KSR1: variants seen among roughly 807,000 people sequenced by gnomAD.
KSR1 encodes kinase suppressor of ras.
In KSR1, 35 loss-of-function variants were observed where a neutral mutation model predicts 92.9. The ratio of observed to expected loss-of-function variants is 0.38; its 90% CI spans 0.29 to 0.50. KSR1 has a LOEUF of 0.50. Ranked by LOEUF, KSR1 falls within the 20% of genes least tolerant of loss-of-function variation. KSR1 has a pLI of 0.94. For synonymous variants in KSR1, 467 were observed against 472.6 expected, an observed-to-expected ratio of 0.99 and a Z score of 0.15; for missense variants, 972 against 1,158.5, an observed-to-expected ratio of 0.84 and a Z score of 2.34.
intron 17 of KSR1, 21 bp downstream of exon 17, chr17:27,610,219 C>A: frequency 6.2e-7 from 1 of 1,613,460 alleles, no homozygotes; most frequent in South Asian, 1.1e-5. Flanking sequence ...CCCTGGTGCC[C>A]TGAGGCCAAG....
intron 2 of KSR1, among the ~76,000 whole-genome samples, chr17:27,561,187 C>T (rs1598030090): frequency 6.6e-6 from 1 of 152,208 alleles, no homozygotes; most frequent in Admixed American, 6.5e-5. Flanking sequence ...AAGATTCAAA[C>T]CCAGGTCCTT....
Position 27,611,490 on chromosome 17 carries a change from G to A in KSR1, c.2358-4G>A. On this transcript the variant is annotated splice_region_variant and splice_polypyrimidine_tract_variant and intron_variant, in intron 17 of 20. Transcript: ENST00000644974. ...AGCTCACAGACATGGCTGGGTCTCTGCAGGACTGTTTGGTATGAGCTGCAA... is the reference window on the plus strand; with the variant it reads ...AGCTCACAGACATGGCTGGGTCTCTACAGGACTGTTTGGTATGAGCTGCAA... The A allele has an allele frequency of 6.2e-7, 1 of 1,613,814 alleles. No homozygotes were observed. The highest frequency in any genetic ancestry group is 2.2e-5 in the East Asian group (1 of 44,888).
At chr17:27,560,397 G>GT (rs777060437) in intron 2 of KSR1, 1 of 519,014 alleles carries the variant, frequency 1.9e-6, no homozygotes, top group South Asian at 1.4e-5. Context: ...AAAGCCACAG[G>GT]TTCCCCTGAA....
intron 1 of KSR1, among the ~76,000 whole-genome samples, chr17:27,535,848 A>G (rs1467523771): frequency 6.6e-6 from 1 of 152,200 alleles, no homozygotes; most frequent in East Asian, 1.9e-4. Flanking sequence ...TTAATTGCCC[A>G]TGGGCCCTTA....
intron 1 of KSR1, among the ~76,000 whole-genome samples, chr17:27,518,898 T>A (rs565098745): frequency 1.3e-5 from 2 of 152,310 alleles, no homozygotes; most frequent in East Asian, 3.9e-4. Flanking sequence ...CTGCACTGGC[T>A]GGTTCCTGGA....
intron 1 of KSR1, among the ~76,000 whole-genome samples, chr17:27,494,795 G>A (rs1464796082): frequency 6.6e-6 from 1 of 152,230 alleles, no homozygotes; most frequent in African/African-American, 2.4e-5. Flanking sequence ...CTCTGAGAGT[G>A]CCATTGGGCG....
chr17:27,583,251 C>T (rs1464675556), intron 4 of KSR1, 146 bp downstream of exon 4: 2 of 622,506 alleles, frequency 3.2e-6, no homozygotes, highest in African/African-American at 3.7e-5. Flanking sequence ...GTCCATTCCT[C>T]AGACTACTTT....
At chr17:27,543,645 C>T (rs1027810270) in intron 1 of KSR1, among the ~76,000 whole-genome samples, 3 of 152,184 alleles carry the variant, frequency 2.0e-5, no homozygotes, top group East Asian at 1.9e-4. Context: ...GAGTCATACC[C>T]GAGCAGCTGG....
At chr17:27,503,309 T>TA (rs1199436434) in intron 1 of KSR1, among the ~76,000 whole-genome samples, 1 of 152,186 alleles carries the variant, frequency 6.6e-6, no homozygotes, top group African/African-American at 2.4e-5. Flanking sequence ...ATCTCGTGGG[T>TA]AGAGGCCAGG....
chr17:27,594,007 C>G (rs910479388), intron 9 of KSR1, among the ~76,000 whole-genome samples: 3 of 152,124 alleles, frequency 2.0e-5, no homozygotes, highest in African/African-American at 7.2e-5. Flanking sequence ...CTCAGAGGCT[C>G]CAGCTCCCAG....
intron 4 of KSR1, among the ~76,000 whole-genome samples, chr17:27,585,007 G>T (rs112132812): frequency 0.14 from 20,724 of 152,182 alleles, 1,574 homozygotes; most frequent in Admixed American, 0.23. Flanking sequence ...CGCAATCTCG[G>T]CTCACTGCAA....
intron 2 of KSR1, among the ~76,000 whole-genome samples, chr17:27,568,923 T>C (rs1201188842): frequency 6.6e-6 from 1 of 152,348 alleles, no homozygotes; most frequent in South Asian, 2.1e-4. Context: ...CCCTATTTTG[T>C]GCAGGGCGGG....
rs561162318 is a variant in KSR1, at chr17:27,542,571, A to G, written c.232-7997A>G. Among the ~76,000 whole-genome samples the G allele has an allele frequency of 1.1e-4, 16 of 152,260 alleles. No homozygotes were observed. The South Asian group carries it at 2.9e-3, about 28-fold the overall frequency. ...AGATCTCCCCATCTCAGGCCCTGCA[A>G]TTTTAGGGTGGAGCTGACTTTGTTT... On this transcript the variant is annotated intron_variant, in intron 1 of 20. Transcript: ENST00000644974.
chr17:27,504,301 C>A (rs889029344), intron 1 of KSR1, among the ~76,000 whole-genome samples: 11 of 152,214 alleles, frequency 7.2e-5, no homozygotes, highest in African/African-American at 2.4e-4. Flanking sequence ...CCACCTCAGT[C>A]AGTGGTTTCA....
chr17:27,480,896 G>A (rs1039420692), intron 1 of KSR1, among the ~76,000 whole-genome samples: 24 of 152,182 alleles, frequency 1.6e-4, no homozygotes, highest in Admixed American at 9.8e-4. Context: ...AGTCGCATGC[G>A]TGTGTGTTTT....
chr17:27,601,814 T>G, intron 11 of KSR1: 2 of 1,004,344 alleles, frequency 2.0e-6, no homozygotes, highest in East Asian at 5.1e-5. Context: ...GCACAATGTC[T>G]TAGAGAAGTA....
At chr17:27,465,423 A>G (rs1223639303) in intron 1 of KSR1, 1 of 152,186 alleles carries the variant, frequency 6.6e-6, no homozygotes, top group Non-Finnish European at 1.5e-5. Flanking sequence ...TCTTAGGCCT[A>G]TAATCCCAGC....
At chr17:27,479,188 CTCTATGCTCCTCCCTCCA>C (rs2068439088) in intron 1 of KSR1, among the ~76,000 whole-genome samples, 1 of 146,336 alleles carries the variant, frequency 6.8e-6, no homozygotes, top group Non-Finnish European at 1.5e-5. Context: ...ACTTCCCTCC[CTCTATGCTCCTCCCTCCA>C]TCCATGCTCC....
At chr17:27,536,716 GC>G in intron 1 of KSR1, among the ~76,000 whole-genome samples, 1 of 152,340 alleles carries the variant, frequency 6.6e-6, no homozygotes, top group African/African-American at 2.4e-5. Context: ...AGTGGCACCG[GC>G]CATTGATCTG....
Sources: allele counts gnomAD v4.1 joint callset (sites outside exome capture counted in the v4.1 genomes callset), GRCh38; gene constraint gnomAD v4.1.1; transcripts MANE v1.5; gene names NCBI Gene and HGNC (gene_info 2026-07-23, HGNC 2026-07-21).